Variants in STARD9 observed in about 807,000 individuals in gnomAD.
STARD9 encodes stAR-related lipid transfer protein 9.
Under a neutral mutation model 399.8 loss-of-function variants are expected in STARD9, and 346 were observed. The observed-to-expected ratio is 0.87, with a 90% CI of 0.79 to 0.95. STARD9 has a LOEUF of 0.95. Ranked by LOEUF, STARD9 falls within the 40% of genes least tolerant of loss-of-function variation. The probability of loss-of-function intolerance (pLI) is 0.00; values close to 1 mark genes in which losing one functional copy is unlikely to be tolerated. For missense variants in STARD9, 5,832 were observed against 5,667.5 expected, an observed-to-expected ratio of 1.03 and a Z score of -0.93; for synonymous variants, 2,203 against 2,143.5, an observed-to-expected ratio of 1.03 and a Z score of -0.77.
intron 26 of STARD9, among the ~76,000 whole-genome samples, chr15:42,714,458 T>C (rs574853098): frequency 6.6e-6 from 1 of 152,350 alleles, no homozygotes; most frequent in African/African-American, 2.4e-5. Flanking sequence ...TTCATAGTAT[T>C]AATTCATTTA....
intron 3 of STARD9, chr15:42,630,226 A>G (rs2059307534): frequency 6.6e-6 from 1 of 152,060 alleles, no homozygotes; most frequent in Non-Finnish European, 1.5e-5. Flanking sequence ...GATAGTCTCG[A>G]TCTCCTGACC....
intron 3 of STARD9, among the ~76,000 whole-genome samples, chr15:42,596,752 A>G (rs1428019933): frequency 1.3e-5 from 2 of 152,256 alleles, no homozygotes; most frequent in Non-Finnish European, 2.9e-5. Flanking sequence ...TGTGCTCAGC[A>G]GAAAGCAGAT....
At chr15:42,621,434 T>C (rs114103856) in intron 3 of STARD9, among the ~76,000 whole-genome samples, 2,201 of 152,284 alleles carry the variant, frequency 0.014, 62 homozygotes, top group African/African-American at 0.051. Flanking sequence ...TAACAGAGCT[T>C]AATTGAGCAA....
intron 7 of STARD9, among the ~76,000 whole-genome samples, chr15:42,647,644 A>G (rs990545271): frequency 6.6e-6 from 1 of 151,960 alleles, no homozygotes; most frequent in African/African-American, 2.4e-5. Flanking sequence ...TTTTTATTTT[A>G]AAAAATTTTC....
chr15:42,665,675 A>G, intron 14 of STARD9, 111 bp from the exon 15 acceptor site: 1 of 833,548 alleles, frequency 1.2e-6, no homozygotes, highest in Non-Finnish European at 1.9e-6. Flanking sequence ...TTATTTTAAT[A>G]ATAAAGTTTT....
chr15:42,588,776 GTTTT>G (rs758570571), intron 3 of STARD9, among the ~76,000 whole-genome samples: 4 of 38,412 alleles, frequency 1.0e-4, no homozygotes, highest in African/African-American at 1.2e-4. Flanking sequence ...TCTTCACAGC[GTTTT>G]TTTTTTTTTT....
Position 42,719,823 on chromosome 15 carries a change from C to G in STARD9, c.*249C>G. The stretch of plus-strand genomic sequence containing the variant: ...CCCAGACTATCCAGAGTGAATGCAG[C>G]TCCGCTCACCTTTTGGATTTCTCAC... On this transcript the variant is annotated 3_prime_UTR_variant, in exon 33 of 33. Transcript: ENST00000290607. 2.2e-6 allele frequency: 1 copy of G among 446,306 alleles called. No homozygotes were observed. The allele number at this position is 446,306 out of a possible 1,614,324, so 27.6% of individuals were successfully genotyped here.
rs568536472 is a variant in STARD9, at chr15:42,695,031, T to C, written c.12963-109T>C. 9.5e-5 allele frequency: 90 copies of C among 946,770 alleles called. No individual in the cohort carries two copies. In the African/African-American group the frequency reaches 1.3e-3, roughly 14 times the overall value. The allele number at this position is 946,770 out of a possible 1,614,324, so 58.6% of individuals were successfully genotyped here. A position where few individuals can be genotyped will look rare whatever the true frequency, so the allele number is the denominator to read the frequency against. The stretch of plus-strand genomic sequence containing the variant: ...CATACTTTAAAACCCTGTGGGCAAA[T>C]GGAGGTTGGGTCTTTTAAGAAGGTG... On this transcript the variant is annotated intron_variant, in intron 24 of 32. Transcript: ENST00000290607.
chr15:42,661,927 A>G (rs765261127), intron 10 of STARD9, among the ~76,000 whole-genome samples: 1 of 152,178 alleles, frequency 6.6e-6, no homozygotes, highest in African/African-American at 2.4e-5. Flanking sequence ...AATTAGTACA[A>G]CTTTTCTCTT....
At chr15:42,703,518 C>G (rs1341528296) in intron 26 of STARD9, among the ~76,000 whole-genome samples, 4 of 149,110 alleles carry the variant, frequency 2.7e-5, no homozygotes, top group African/African-American at 1.0e-4. Context: ...CGCCAGCCAC[C>G]ATGCCTGGCT....
At chr15:42,616,134 T>C (rs553853957) in intron 3 of STARD9, among the ~76,000 whole-genome samples, 5 of 152,314 alleles carry the variant, frequency 3.3e-5, no homozygotes, top group African/African-American at 1.2e-4. Flanking sequence ...CATTTAATAA[T>C]GGCCATGTGG....
chr15:42,690,038 T>C lies in STARD9; in HGVS notation c.8460T>C (p.Asp2820=), dbSNP rs568464681. The C allele has an allele frequency of 3.1e-5, 48 of 1,537,508 alleles. No individual in the cohort carries two copies. The South Asian group carries it at 3.8e-4, about 12-fold the overall frequency. ...TTGAAAGTCAGTCTGTGACCTGTGATGTTCAGAATTCTACAAGTGCCTCAG... is the reference window on the plus strand; with the variant it reads ...TTGAAAGTCAGTCTGTGACCTGTGACGTTCAGAATTCTACAAGTGCCTCAG... ...AHFESQSVTC[D]VQNSTSASGP... is the part of the protein sequence containing the mutation. Residue 2820 remains aspartate (D), a synonymous_variant, in exon 23 of 33, where the codon GAT becomes GAC. Coordinates refer to ENST00000290607, the MANE Select transcript of STARD9 (RefSeq NM_020759.3).
intron 26 of STARD9, among the ~76,000 whole-genome samples, chr15:42,711,705 TTTTA>T (rs536218697): frequency 6.6e-6 from 1 of 152,214 alleles, no homozygotes; most frequent in Non-Finnish European, 1.5e-5. Context: ...ATAAACCACA[TTTTA>T]TTTATCCATT....
chr15:42,591,443 G>A (rs557804844), intron 3 of STARD9, among the ~76,000 whole-genome samples: 5 of 150,626 alleles, frequency 3.3e-5, no homozygotes, highest in East Asian at 3.9e-4. Flanking sequence ...AGCCGAGATC[G>A]CACCACTGCA....
intron 9 of STARD9, among the ~76,000 whole-genome samples, chr15:42,655,453 C>CT (rs1269557247): frequency 6.6e-6 from 1 of 152,198 alleles, no homozygotes; most frequent in African/African-American, 2.4e-5. Context: ...GTCAACCGAT[C>CT]TTTGACAAAG....
chr15:42,611,277 G>A (rs2058843827), intron 3 of STARD9, among the ~76,000 whole-genome samples: 2 of 152,224 alleles, frequency 1.3e-5, no homozygotes, highest in Non-Finnish European at 2.9e-5. Context: ...AGTTGTGACA[G>A]AAACATTATG....
chr15:42,593,222 C>A (rs1595595345), intron 3 of STARD9, among the ~76,000 whole-genome samples: 3 of 152,204 alleles, frequency 2.0e-5, no homozygotes, highest in African/African-American at 7.2e-5. Flanking sequence ...ATGATCCCTT[C>A]TGGGACCATC....
rs1019638341 is a variant in STARD9, at chr15:42,690,187, C to T, written c.8609C>T (p.Thr2870Ile). The T allele has an allele frequency of 2.6e-6, 4 of 1,537,688 alleles. No individual in the cohort carries two copies. The African/African-American group carries it at 5.5e-5, about 21-fold the overall frequency. ...ACAAGGGTTGCACTGGAAGCTCCCA[C>T]ACAGCAGTGTGTGCAGTGTAAGGAG... ...ALTRVALEAP[T>I]QQCVQCKESV... is the part of the protein sequence containing the mutation. Residue 2870 changes from threonine to isoleucine, a missense_variant, in exon 23 of 33, where the codon ACA (threonine) becomes ATA (isoleucine). Around this residue, in one of 2 missense-constraint regions of STARD9, gnomAD observed 5,828 missense variants for 5,651.1 expected, o/e 1.03. Transcript: ENST00000290607.
chr15:42,661,231 T>G lies in STARD9; in HGVS notation c.770+6T>G. ...CTTGTGGACCTAGCAGGCAGGTAAT[T>G]AGGATTTTAAAGCTAAGGGGAATTA... On this transcript the variant is annotated splice_donor_region_variant and intron_variant, in intron 10 of 32. Transcript: ENST00000290607. 1 of 1,531,966 alleles carries G rather than the reference T, an allele frequency of 6.5e-7. No homozygotes were observed. Among genetic ancestry groups the G allele is most frequent in the Non-Finnish European group, 8.8e-7 (1 of 1,142,190 alleles). 94.9% of individuals were successfully genotyped at this position (1,531,966 alleles called of 1,614,324 possible).
Sources: allele counts gnomAD v4.1 joint callset (sites outside exome capture counted in the v4.1 genomes callset), GRCh38; gene constraint gnomAD v4.1.1; regional missense constraint gnomAD v4.1.1; transcripts MANE v1.5; gene names NCBI Gene and HGNC (gene_info 2026-07-23, HGNC 2026-07-21).